Variants in NBEA observed in about 807,000 individuals in gnomAD.
NBEA encodes lysosomal-trafficking regulator 2.
In NBEA, 44 loss-of-function variants were observed where a neutral mutation model predicts 343.4. The observed-to-expected ratio is 0.13, with a 90% CI of 0.10 to 0.16. NBEA has a LOEUF of 0.16. Ranked by LOEUF, NBEA falls within the 10% of genes least tolerant of loss-of-function variation. The pLI, the probability that NBEA is intolerant of heterozygous loss-of-function variation, is 1.00. For missense variants in NBEA, 2,555 were observed against 3,631.3 expected, an observed-to-expected ratio of 0.70 and a Z score of 7.62; for synonymous variants, 1,175 against 1,238.7, an observed-to-expected ratio of 0.95 and a Z score of 1.08.
chr13:35,489,854 T>G (rs1017018408), intron 41 of NBEA, among the ~76,000 whole-genome samples: 2 of 151,950 alleles, frequency 1.3e-5, no homozygotes, highest in Non-Finnish European at 2.9e-5. Context: ...AAGTTTCCTA[T>G]TTCTTAATTA....
At chr13:35,017,858 A>T (rs932716603) in intron 1 of NBEA, among the ~76,000 whole-genome samples, 27 of 152,144 alleles carry the variant, frequency 1.8e-4, no homozygotes, top group African/African-American at 6.5e-4. Flanking sequence ...ATAATCCAAG[A>T]CAAGAAAAGA....
Position 35,255,046 on chromosome 13 carries a change from G to A in NBEA, c.5776+22427G>A, listed in dbSNP as rs183562443. On this transcript the variant is annotated intron_variant, in intron 34 of 58. Coordinates refer to ENST00000379939, the MANE Select transcript of NBEA (RefSeq NM_001385012.1). ...TTGTGAAAACTAAAAAATAAAATGC[G>A]ATTTTGTTTCACAGTAATATTAGGT... Among the ~76,000 whole-genome samples, 232 of 152,162 alleles carry A rather than the reference G, an allele frequency of 1.5e-3. 1 individual carries two copies. Among genetic ancestry groups the A allele is most frequent in the African/African-American group, 5.4e-3 (223 of 41,536 alleles).
chr13:35,329,823 A>ACCAGACTTT (rs749782033), intron 36 of NBEA, among the ~76,000 whole-genome samples: 4,348 of 18,898 alleles, frequency 0.23, 84 homozygotes, highest in Non-Finnish European at 0.31. Context: ...TGTGTCTTAA[A>ACCAGACTTT]AAAACTACAG....
intron 48 of NBEA, among the ~76,000 whole-genome samples, chr13:35,622,987 T>C (rs1364255824): frequency 6.6e-6 from 1 of 152,170 alleles, no homozygotes; most frequent in Non-Finnish European, 1.5e-5. Flanking sequence ...ATATTATCCA[T>C]CTAAGAGATA....
intron 36 of NBEA, among the ~76,000 whole-genome samples, chr13:35,343,270 A>C (rs2039687745): frequency 6.6e-6 from 1 of 152,140 alleles, no homozygotes; most frequent in African/African-American, 2.4e-5. Context: ...ATGAAACATC[A>C]GGGAGAAAAT....
rs2074647763 is a variant in NBEA, at chr13:35,226,308, T to A, written c.5649-6184T>A. 3.9e-5 allele frequency among the ~76,000 whole-genome samples: 6 copies of A among 152,200 alleles called. 1 individual carries two copies. The highest frequency in any genetic ancestry group is 3.9e-4 in the Admixed American group (6 of 15,270). On this transcript the variant is annotated intron_variant, in intron 33 of 58. Transcript: ENST00000379939. ...CTGCTCCTAATGAGGGGGCTTAACCTTGGGTGAAGCAGCTCCCTTCTAGGG... is the reference window on the plus strand; with the variant it reads ...CTGCTCCTAATGAGGGGGCTTAACCATGGGTGAAGCAGCTCCCTTCTAGGG...
At chr13:35,213,912 C>G (rs1261092757) in intron 33 of NBEA, among the ~76,000 whole-genome samples, 2 of 151,964 alleles carry the variant, frequency 1.3e-5, no homozygotes, top group East Asian at 3.8e-4. Context: ...TCACTCCTAT[C>G]TCTGCTCCAG....
intron 38 of NBEA, among the ~76,000 whole-genome samples, chr13:35,389,970 A>AGTGTGTGTGTGTGTGTGTGTGT (rs10523765): frequency 3.1e-4 from 43 of 138,050 alleles, no homozygotes; most frequent in East Asian, 4.4e-4. Flanking sequence ...TCTTTTGTAG[A>AGTGTGTGTGTGTGTGTGTGTGT]GTGTGTGTGT....
At chr13:35,668,108 T>C (rs915660656) in intron 57 of NBEA, among the ~76,000 whole-genome samples, 1 of 152,222 alleles carries the variant, frequency 6.6e-6, no homozygotes, top group Non-Finnish European at 1.5e-5. Context: ...TTGATAATAT[T>C]CTCTTGGGAA....
chr13:34,981,733 GT>G lies in NBEA; in HGVS notation c.294+38631del, dbSNP rs75570646. Reference sequence around the variant, plus strand: ...GGCCTGCACTTTTCTTTGTGGGAAGGTTTTTTTTTTTTATAATGGGGTTTTC... The same window carrying G: ...GGCCTGCACTTTTCTTTGTGGGAAGGTTTTTTTTTTTATAATGGGGTTTTC... On this transcript the variant is annotated intron_variant, in intron 1 of 58. Transcript: ENST00000379939. 3.5e-3 allele frequency among the ~76,000 whole-genome samples: 498 copies of G among 143,598 alleles called. 8 individuals carry two copies. Among genetic ancestry groups the G allele is most frequent in the Middle Eastern group, 7.1e-3 (2 of 282 alleles). 94.2% of individuals were successfully genotyped at this position (143,598 alleles called of 152,430 possible). A position where few individuals can be genotyped will look rare whatever the true frequency, so the allele number is the denominator to read the frequency against.
At chr13:35,372,581 C>T (rs953122443) in intron 38 of NBEA, among the ~76,000 whole-genome samples, 2 of 152,132 alleles carry the variant, frequency 1.3e-5, no homozygotes, top group Non-Finnish European at 2.9e-5. Context: ...GCAACAACTG[C>T]ACTGTGGCCT....
chr13:35,528,919 T>G (rs1047873151), intron 41 of NBEA, among the ~76,000 whole-genome samples: 1 of 152,178 alleles, frequency 6.6e-6, no homozygotes, highest in African/African-American at 2.4e-5. Context: ...CTTCATACAG[T>G]AGATGCAGTA....
intron 41 of NBEA, chr13:35,476,931 A>G (rs2075899081): frequency 1.8e-6 from 1 of 555,938 alleles, no homozygotes; most frequent in Non-Finnish European, 2.4e-6. Flanking sequence ...CTTGAAGCAT[A>G]TTGACGTTTT....
chr13:35,325,274 T>C (rs2038463238), intron 36 of NBEA, among the ~76,000 whole-genome samples: 1 of 152,032 alleles, frequency 6.6e-6, no homozygotes, highest in Non-Finnish European at 1.5e-5. Context: ...AGAACTGGGT[T>C]GATGTTAAAC....
At chr13:35,494,312 A>G (rs561492013) in intron 41 of NBEA, among the ~76,000 whole-genome samples, 4 of 152,118 alleles carry the variant, frequency 2.6e-5, no homozygotes, top group East Asian at 1.9e-4. Flanking sequence ...CTGATCAACA[A>G]TGGTAACAAA....
chr13:35,030,960 G>A (rs953408398), intron 1 of NBEA, among the ~76,000 whole-genome samples: 4 of 151,492 alleles, frequency 2.6e-5, no homozygotes, highest in Non-Finnish European at 5.9e-5. Context: ...GACTCCACCA[G>A]CACCCCTGCA....
At chr13:35,167,435 T>G (rs1484242345) in intron 24 of NBEA, among the ~76,000 whole-genome samples, 3 of 151,372 alleles carry the variant, frequency 2.0e-5, no homozygotes, top group African/African-American at 4.9e-5. Flanking sequence ...TAATGGAAAC[T>G]TAAGAAAAAA....
chr13:35,670,804 A>C (rs2085586803), intron 58 of NBEA, 97 bp from the exon 59 acceptor site: 4 of 757,138 alleles, frequency 5.3e-6, no homozygotes. Flanking sequence ...GATATTGTCT[A>C]GTGTAAAATG....
At chr13:35,516,597 C>T (rs2077495379) in intron 41 of NBEA, among the ~76,000 whole-genome samples, 1 of 152,174 alleles carries the variant, frequency 6.6e-6, no homozygotes, top group Non-Finnish European at 1.5e-5. Flanking sequence ...ATCCAATCTA[C>T]ATTCCATTTG....
Sources: allele counts gnomAD v4.1 joint callset (sites outside exome capture counted in the v4.1 genomes callset), GRCh38; gene constraint gnomAD v4.1.1; transcripts MANE v1.5; gene names NCBI Gene and HGNC (gene_info 2026-07-23, HGNC 2026-07-21).